DGKH: variants seen among roughly 807,000 people sequenced by gnomAD.
DGKH encodes diacylglycerol kinase eta, also known as DAG kinase eta.
Under a neutral mutation model 159.3 loss-of-function variants are expected in DGKH, and 90 were observed. The observed-to-expected ratio is 0.57, with a 90% CI of 0.48 to 0.67. The LOEUF is 0.67. Ranked by LOEUF, DGKH falls within the 30% of genes least tolerant of loss-of-function variation. DGKH has a pLI of 0.00. For missense variants in DGKH, 1,181 were observed against 1,506.1 expected (o/e 0.78, Z 3.57); for synonymous variants, 536 against 553.8 (o/e 0.97, Z 0.45).
At chr13:42,160,191 G>C in intron 7 of DGKH, 55 bp downstream of exon 7, 1 of 1,612,092 alleles carries the variant, frequency 6.2e-7, no homozygotes, top group East Asian at 2.2e-5. Context: ...CCCTAACTTT[G>C]TCATCCACGT....
downstream of DGKH, among the ~76,000 whole-genome samples, chr13:42,246,032 T>C (rs1342719442): frequency 6.6e-6 from 1 of 152,252 alleles, no homozygotes; most frequent in African/African-American, 2.4e-5. Flanking sequence ...TAATGGGTTA[T>C]AGTACTAGCA....
chr13:42,122,906 A>C lies in DGKH; in HGVS notation c.193-4557A>C, dbSNP rs1955104074. Reference sequence around the variant, plus strand: ...GTTTTGGAGTTAAACATGAATTTACACTAAGAATTATAATTACTTTAGCCA... The same window carrying C: ...GTTTTGGAGTTAAACATGAATTTACCCTAAGAATTATAATTACTTTAGCCA... On this transcript the variant is annotated intron_variant, in intron 1 of 29. Coordinates refer to ENST00000337343, the MANE Select transcript of DGKH (RefSeq NM_178009.5). 2.6e-5 allele frequency among the ~76,000 whole-genome samples: 4 copies of C among 152,214 alleles called. 1 individual carries two copies. The South Asian group carries it at 8.3e-4, about 31-fold the overall frequency.
chr13:42,113,299 A>G (rs1372803279), intron 1 of DGKH, among the ~76,000 whole-genome samples: 4 of 152,190 alleles, frequency 2.6e-5, no homozygotes, highest in Non-Finnish European at 4.4e-5. Flanking sequence ...TTATATGTAC[A>G]ATAGTCTTTT....
chr13:42,229,007 T>C (rs1958220062), intron 29 of DGKH, 92 bp from the exon 30 acceptor site: 3 of 1,121,196 alleles, frequency 2.7e-6, no homozygotes, highest in Non-Finnish European at 3.8e-6. Flanking sequence ...TTCAATAAAC[T>C]TTTTTCCTTT....
chr13:42,207,089 C>CT lies in DGKH; in HGVS notation c.2601+946dup, dbSNP rs1428499676. 7.1e-4 allele frequency among the ~76,000 whole-genome samples: 92 copies of CT among 129,826 alleles called. 4 individuals are homozygous for CT. The highest frequency in any genetic ancestry group is 2.6e-3 in the African/African-American group (88 of 33,936). 85.2% of individuals were successfully genotyped at this position (129,826 alleles called of 152,430 possible). A position where few individuals can be genotyped will look rare whatever the true frequency, so the allele number is the denominator to read the frequency against. On this transcript the variant is annotated intron_variant, in intron 21 of 29. Coordinates refer to ENST00000337343, the MANE Select transcript of DGKH (RefSeq NM_178009.5). ...TCTTTCTTTCTTTCTTTCTTTCTTT[C>CT]TTTCTTTCTTTCTTTCTTTCTTTCT... is the stretch of plus-strand genomic sequence containing the variant.
At chr13:42,244,903 CAAAAAAAAAAAA>C (rs57184890), downstream of DGKH, among the ~76,000 whole-genome samples, 12 of 42,968 alleles carry the variant, frequency 2.8e-4, no homozygotes, top group East Asian at 9.1e-4. Context: ...GACTCCGTCT[CAAAAAAAAAAAA>C]AAAAAAAAAA....
At chr13:42,176,371 T>G (rs1956603966) in intron 12 of DGKH, among the ~76,000 whole-genome samples, 1 of 152,160 alleles carries the variant, frequency 6.6e-6, no homozygotes, top group Admixed American at 6.5e-5. Context: ...GATTATATAT[T>G]TTCATTTTTC....
chr13:42,187,324 T>C (rs1310396882), intron 14 of DGKH, among the ~76,000 whole-genome samples, 176 bp downstream of exon 14: 4 of 152,202 alleles, frequency 2.6e-5, no homozygotes, highest in African/African-American at 9.7e-5. Flanking sequence ...ATTGTTACCC[T>C]TTAATATGTA....
chr13:42,178,747 T>C (rs1002028805), intron 13 of DGKH, among the ~76,000 whole-genome samples: 14 of 152,206 alleles, frequency 9.2e-5, no homozygotes, highest in Admixed American at 3.9e-4. Context: ...TTATCCCAAA[T>C]GTTGCCTGGC....
chr13:42,115,717 A>G (rs585206), intron 1 of DGKH, among the ~76,000 whole-genome samples: 102,353 of 152,084 alleles, frequency 0.67, 35,196 homozygotes, highest in African/African-American at 0.81. Flanking sequence ...TGGGGCACTT[A>G]TGGACAAAAG....
intron 7 of DGKH, 78 bp downstream of exon 7, chr13:42,160,214 A>G: frequency 6.2e-7 from 1 of 1,600,452 alleles, no homozygotes. Flanking sequence ...TTTAGAGGCA[A>G]AGCAAAGAAT....
At chr13:42,151,541 ATATACACGTGTATATATG>A in intron 3 of DGKH, among the ~76,000 whole-genome samples, 1 of 136,332 alleles carries the variant, frequency 7.3e-6, no homozygotes, top group Non-Finnish European at 1.6e-5. Flanking sequence ...GTATATATAT[ATATACACGTGTATATATG>A]TAGTTTCACT....
rs1431328768 is a variant in DGKH at position 42,236,488 on chromosome 13, C to T, written c.*7300C>T. On this transcript the variant is annotated 3_prime_UTR_variant, in exon 30 of 30. Coordinates refer to ENST00000337343, the MANE Select transcript of DGKH (RefSeq NM_178009.5). ...CACCAATATTAAGGATTTAATGTAG[C>T]CAAGGGATTCAGTGTGTTATATTTT... 6.6e-6 allele frequency: 1 copy of T among 152,002 alleles called. No homozygotes were observed. Among genetic ancestry groups the T allele is most frequent in the Non-Finnish European group, 1.5e-5 (1 of 68,012 alleles). The allele number at this position is 152,002 out of a possible 1,614,324, so 9.4% of individuals were successfully genotyped here.
intron 16 of DGKH, 43 bp from the exon 17 acceptor site, chr13:42,194,842 G>A: frequency 1.3e-6 from 2 of 1,586,816 alleles, no homozygotes; most frequent in South Asian, 2.3e-5. Flanking sequence ...TATTTTTATA[G>A]CTTTATCATT....
chr13:42,111,174 TCAA>T (rs869135086), intron 1 of DGKH, among the ~76,000 whole-genome samples: 1 of 123,454 alleles, frequency 8.1e-6, no homozygotes, highest in Admixed American at 7.3e-5. Flanking sequence ...AAATACAGTC[TCAA>T]GGAGGTAATT....
intron 3 of DGKH, among the ~76,000 whole-genome samples, chr13:42,139,957 C>G (rs1955500589): frequency 6.6e-6 from 1 of 152,190 alleles, no homozygotes. Flanking sequence ...ACTGTGCCAT[C>G]ATAGGGGCCC....
At chr13:42,100,011 C>T (rs1954624251) in intron 1 of DGKH, among the ~76,000 whole-genome samples, 1 of 152,184 alleles carries the variant, frequency 6.6e-6, no homozygotes, top group Non-Finnish European at 1.5e-5. Context: ...GATCAGGGGT[C>T]CCCATCCCCT....
chr13:42,231,161 C>G lies in DGKH; in HGVS notation c.*1973C>G, dbSNP rs1304054398. ...CCGGAGGTCAGGAGTTCGAGACCAGCCTGACCAGTGTATGAAACCCCATCT... is the reference window on the plus strand; with the variant it reads ...CCGGAGGTCAGGAGTTCGAGACCAGGCTGACCAGTGTATGAAACCCCATCT... On this transcript the variant is annotated 3_prime_UTR_variant, in exon 30 of 30. Transcript: ENST00000337343. 2.0e-5 allele frequency: 3 copies of G among 152,114 alleles called. No individual in the cohort carries two copies. The highest frequency in any genetic ancestry group is 4.8e-5 in the African/African-American group (2 of 41,386). 9.4% of individuals were successfully genotyped at this position (152,114 alleles called of 1,614,324 possible). A position where few individuals can be genotyped will look rare whatever the true frequency, so the allele number is the denominator to read the frequency against.
chr13:42,246,548 C>T (rs987131591), downstream of DGKH, among the ~76,000 whole-genome samples: 1 of 152,018 alleles, frequency 6.6e-6, no homozygotes, highest in African/African-American at 2.4e-5. Flanking sequence ...ATTATTAGCC[C>T]CATTTGAAAC....
Sources: gnomAD v4.1 joint callset for allele counts (sites outside exome capture counted in the v4.1 genomes callset) on GRCh38, gnomAD v4.1.1 for gene constraint, MANE v1.5 for transcripts, NCBI Gene and HGNC (gene_info 2026-07-23, HGNC 2026-07-21) for gene names.